CACNA1E: variants seen among roughly 807,000 people sequenced by gnomAD.
The protein encoded by CACNA1E is calcium voltage-gated channel subunit alpha1 E, also known as voltage-dependent R-type calcium channel subunit alpha-1E.
CACNA1E carries 40 observed loss-of-function variants against 259.2 expected under a neutral mutation model. The observed-to-expected ratio is 0.15, with a 90% CI of 0.12 to 0.20. The LOEUF (loss-of-function observed/expected upper bound fraction) is 0.20. CACNA1E is among the 10% of genes least tolerant of loss of function. CACNA1E has a pLI of 1.00. For synonymous variants in CACNA1E, 1,104 were observed against 1,138.5 expected, an observed-to-expected ratio of 0.97 and a Z score of 0.61; for missense variants, 1,874 against 3,040.1, an observed-to-expected ratio of 0.62 and a Z score of 9.02.
At chr1:181,772,012 TA>T in intron 36 of CACNA1E, 53 bp from the exon 37 acceptor site, 1 of 1,540,362 alleles carries the variant, frequency 6.5e-7, no homozygotes, top group South Asian at 1.1e-5. Flanking sequence ...GGACCAAGAA[TA>T]TGATAGGATC....
chr1:181,499,346 G>C (rs1287291557), intron 1 of CACNA1E, among the ~76,000 whole-genome samples: 1 of 152,190 alleles, frequency 6.6e-6, no homozygotes, highest in Non-Finnish European at 1.5e-5. Flanking sequence ...CTTTCTTTTA[G>C]AATTCTCTAT....
At chr1:181,431,292 C>T (rs1013992920) in intron 2 of CACNA1E, among the ~76,000 whole-genome samples, 8 of 152,102 alleles carry the variant, frequency 5.3e-5, no homozygotes, top group Middle Eastern at 3.2e-3. Context: ...TGTTTTGACT[C>T]GGTTTTGATG....
chr1:181,718,652 A>G (rs1053864158), intron 12 of CACNA1E, among the ~76,000 whole-genome samples: 3 of 151,170 alleles, frequency 2.0e-5, no homozygotes, highest in Non-Finnish European at 2.9e-5. Flanking sequence ...ACACACACAC[A>G]CACACACACA....
chr1:181,688,497 C>A (rs1241922887), intron 7 of CACNA1E, among the ~76,000 whole-genome samples: 1 of 152,130 alleles, frequency 6.6e-6, no homozygotes, highest in African/African-American at 2.4e-5. Context: ...CAAGATAATG[C>A]CCAATTGCTC....
At chr1:181,463,539 C>T (rs1661956414) in intron 2 of CACNA1E, among the ~76,000 whole-genome samples, 1 of 152,078 alleles carries the variant, frequency 6.6e-6, no homozygotes, top group African/African-American at 2.4e-5. Context: ...CCAATTATTG[C>T]ATTAATTGCA....
intron 3 of CACNA1E, among the ~76,000 whole-genome samples, chr1:181,573,763 A>G (rs1210088526): frequency 6.6e-6 from 1 of 152,242 alleles, no homozygotes; most frequent in Non-Finnish European, 1.5e-5. Flanking sequence ...TGACCCAGCA[A>G]TCCCATTACT....
At chr1:181,510,875 G>A (rs1342126706) in intron 2 of CACNA1E, among the ~76,000 whole-genome samples, 2 of 152,232 alleles carry the variant, frequency 1.3e-5, no homozygotes, top group Non-Finnish European at 2.9e-5. Context: ...GAGGTGGGGA[G>A]TAGAGGGGAG....
chr1:181,645,522 C>T (rs1413295288), intron 6 of CACNA1E, among the ~76,000 whole-genome samples: 1 of 152,158 alleles, frequency 6.6e-6, no homozygotes, highest in Non-Finnish European at 1.5e-5. Flanking sequence ...TTAATCTTTT[C>T]ACTGCCTTTC....
At chr1:181,467,471 C>A (rs1009462255) in intron 2 of CACNA1E, among the ~76,000 whole-genome samples, 1 of 152,096 alleles carries the variant, frequency 6.6e-6, no homozygotes, top group Non-Finnish European at 1.5e-5. Context: ...CAGGAGAAAT[C>A]CTATTTATTT....
intron 42 of CACNA1E, 38 bp from the exon 43 acceptor site, chr1:181,785,675 T>C (rs1660791476): frequency 7.3e-7 from 1 of 1,366,734 alleles, no homozygotes; most frequent in Non-Finnish European, 1.0e-6. Context: ...TCCGTAGTCA[T>C]TGGAATTCTT....
At chr1:181,755,485 T>C in intron 28 of CACNA1E, 88 bp downstream of exon 28, 1 of 1,014,902 alleles carries the variant, frequency 9.9e-7, no homozygotes, top group Non-Finnish European at 1.5e-6. Context: ...CCTCCCTCCT[T>C]TCTATCTTAC....
chr1:181,389,743 G>C (rs1396261014), intron 1 of CACNA1E, among the ~76,000 whole-genome samples: 1 of 152,256 alleles, frequency 6.6e-6, no homozygotes, highest in Non-Finnish European at 1.5e-5. Flanking sequence ...GTCTGGCACA[G>C]TGTTTCACCC....
At chr1:181,779,754 T>C (rs1238197811) in intron 38 of CACNA1E, among the ~76,000 whole-genome samples, 1 of 151,968 alleles carries the variant, frequency 6.6e-6, no homozygotes, top group African/African-American at 2.4e-5. Context: ...AAGAACTTCA[T>C]GTGAAGACCA....
intron 1 of CACNA1E, among the ~76,000 whole-genome samples, chr1:181,486,053 C>T (rs990314256): frequency 7.9e-5 from 12 of 152,264 alleles, no homozygotes; most frequent in Admixed American, 7.2e-4. Flanking sequence ...CACGTGGTCA[C>T]CTTTTTTCAC....
chr1:181,490,454 T>G lies in CACNA1E; in HGVS notation c.266+6444T>G, dbSNP rs867610106. Among the ~76,000 whole-genome samples the G allele has an allele frequency of 1.4e-4, 21 of 150,378 alleles. No individual in the cohort carries two copies. The Middle Eastern group carries it at 0.021, about 153-fold the overall frequency. Reference sequence around the variant, plus strand: ...ATCCCAGAAGCAGGTGGGTGGGGCTTGGGAATGCTATGCCCAGCTAGGCTC... The same window carrying G: ...ATCCCAGAAGCAGGTGGGTGGGGCTGGGGAATGCTATGCCCAGCTAGGCTC... On this transcript the variant is annotated intron_variant, in intron 1 of 47. Transcript: ENST00000367573.
intron 1 of CACNA1E, among the ~76,000 whole-genome samples, chr1:181,381,861 A>G (rs527309524): frequency 1.3e-5 from 2 of 152,352 alleles, no homozygotes; most frequent in African/African-American, 2.4e-5. Context: ...ATTTTCCCAA[A>G]TCTATGTAGG....
chr1:181,661,002 G>A (rs946531030), intron 7 of CACNA1E, among the ~76,000 whole-genome samples: 2 of 152,192 alleles, frequency 1.3e-5, no homozygotes, highest in Non-Finnish European at 2.9e-5. Flanking sequence ...ATAGCAACAG[G>A]GGAGCATTTA....
intron 6 of CACNA1E, among the ~76,000 whole-genome samples, chr1:181,593,693 C>A (rs1306870465): frequency 6.6e-6 from 1 of 152,118 alleles, no homozygotes; most frequent in Non-Finnish European, 1.5e-5. Context: ...CACCCACCAC[C>A]ACACCCAGCT....
intron 6 of CACNA1E, among the ~76,000 whole-genome samples, chr1:181,581,403 G>T (rs1009032201): frequency 2.6e-5 from 4 of 152,118 alleles, no homozygotes; most frequent in African/African-American, 9.7e-5. Flanking sequence ...TTCACCAGGG[G>T]TGCTTGTTGA....
Sources: allele counts gnomAD v4.1 joint callset (sites outside exome capture counted in the v4.1 genomes callset), GRCh38; gene constraint gnomAD v4.1.1; transcripts MANE v1.5; gene names NCBI Gene and HGNC (gene_info 2026-07-23, HGNC 2026-07-21).